NCOA7: variants seen among roughly 807,000 people sequenced by gnomAD.
NCOA7 encodes the protein nuclear receptor coactivator 7.
In NCOA7, 45 loss-of-function variants were observed where a neutral mutation model predicts 104.3. The ratio of observed to expected loss-of-function variants is 0.43; its 90% CI spans 0.34 to 0.55. The LOEUF (loss-of-function observed/expected upper bound fraction) is 0.55. Ranked by LOEUF, NCOA7 falls within the 20% of genes least tolerant of loss-of-function variation. The pLI is 0.02. For synonymous variants in NCOA7, 398 were observed against 402.3 expected (o/e 0.99, Z 0.13); for missense variants, 1,041 against 1,119.7 (o/e 0.93, Z 1.00).
chr6:125,802,050 C>G (rs991507859), intron 1 of NCOA7, among the ~76,000 whole-genome samples: 4 of 152,146 alleles, frequency 2.6e-5, no homozygotes, highest in African/African-American at 9.7e-5. Flanking sequence ...TAAATGACAA[C>G]TGGAAGAAAA....
intron 2 of NCOA7, among the ~76,000 whole-genome samples, chr6:125,826,793 A>G (rs1409769787): frequency 6.6e-6 from 1 of 152,146 alleles, no homozygotes; most frequent in Admixed American, 6.5e-5. Flanking sequence ...ATGAACAGAA[A>G]TTTATTTGGC....
In NCOA7 at chr6:125,826,926, G is replaced by A. The variant is rs151029163; in HGVS notation, c.50+11522G>A. On this transcript the variant is annotated intron_variant, in intron 2 of 15. Transcript: ENST00000392477. ...GAAAGGGTGAGAGTGGGCTGGGCGC[G>A]GTGACCCATGCCTGTAATCCCAGCA... 4.6e-4 allele frequency among the ~76,000 whole-genome samples: 70 copies of A among 152,106 alleles called. No individual in the cohort carries two copies. The East Asian group carries it at 7.7e-3, about 17-fold the overall frequency.
At chr6:125,883,025 G>GC (rs1783971161) in intron 7 of NCOA7, among the ~76,000 whole-genome samples, 1 of 152,210 alleles carries the variant, frequency 6.6e-6, no homozygotes, top group South Asian at 2.1e-4. Context: ...AAAGAATTTA[G>GC]CACCTAATCT....
chr6:125,844,057 G>A (rs1388253635), intron 2 of NCOA7, among the ~76,000 whole-genome samples: 1 of 152,172 alleles, frequency 6.6e-6, no homozygotes, highest in Admixed American at 6.6e-5. Context: ...TTTGGTTACC[G>A]GGGTCTTCTA....
intron 2 of NCOA7, among the ~76,000 whole-genome samples, chr6:125,816,527 A>G (rs1216413827): frequency 6.6e-6 from 1 of 152,244 alleles, no homozygotes; most frequent in African/African-American, 2.4e-5. Flanking sequence ...TAAACTACCA[A>G]TTGTAGTAAA....
At chr6:125,852,850 T>TCGGGTAATG (rs1781237847) in intron 2 of NCOA7, among the ~76,000 whole-genome samples, 1 of 152,132 alleles carries the variant, frequency 6.6e-6, no homozygotes, top group Non-Finnish European at 1.5e-5. Context: ...TAATGTGATG[T>TCGGGTAATG]CGGGTAATGT....
At chr6:125,815,028 C>T (rs1043260045) in intron 1 of NCOA7, among the ~76,000 whole-genome samples, 2 of 152,048 alleles carry the variant, frequency 1.3e-5, no homozygotes, top group Non-Finnish European at 2.9e-5. Context: ...TTTATTTTGG[C>T]ATGTTTTAAA....
chr6:125,796,239 A>G (rs1476954148), intron 1 of NCOA7, among the ~76,000 whole-genome samples: 3 of 152,084 alleles, frequency 2.0e-5, no homozygotes, highest in Non-Finnish European at 4.4e-5. Context: ...CGTTCTGGTA[A>G]AAAATTAACC....
At chr6:125,820,397 G>T (rs891039183) in intron 2 of NCOA7, among the ~76,000 whole-genome samples, 13 of 152,334 alleles carry the variant, frequency 8.5e-5, no homozygotes, top group Middle Eastern at 3.4e-3. Context: ...CTAACAAGAT[G>T]CTTTTGAAGA....
chr6:125,923,307 T>G (rs1787748839), intron 13 of NCOA7, among the ~76,000 whole-genome samples: 1 of 152,148 alleles, frequency 6.6e-6, no homozygotes, highest in Non-Finnish European at 1.5e-5. Flanking sequence ...AAGGCCATAG[T>G]GTGTTGTGCC....
chr6:125,869,143 T>A (rs539662930), intron 3 of NCOA7, among the ~76,000 whole-genome samples: 1 of 152,328 alleles, frequency 6.6e-6, no homozygotes, highest in African/African-American at 2.4e-5. Context: ...TCTGTACGGA[T>A]TCTGTTTTCA....
At chr6:125,846,161 G>GT (rs1277279175) in intron 2 of NCOA7, among the ~76,000 whole-genome samples, 2 of 151,858 alleles carry the variant, frequency 1.3e-5, no homozygotes, top group Non-Finnish European at 2.9e-5. Context: ...GGTTTTGGTT[G>GT]TTTTTTTGTT....
At chr6:125,814,258 G>A (rs1205193260) in intron 1 of NCOA7, among the ~76,000 whole-genome samples, 6 of 152,150 alleles carry the variant, frequency 3.9e-5, no homozygotes, top group East Asian at 3.9e-4. Flanking sequence ...GAGTTCAAGC[G>A]ATTCTCGCGC....
intron 11 of NCOA7, among the ~76,000 whole-genome samples, chr6:125,920,216 C>G (rs1048510761): frequency 2.6e-5 from 4 of 152,140 alleles, no homozygotes; most frequent in Non-Finnish European, 5.9e-5. Flanking sequence ...TAATTGTAAC[C>G]TAGTTGTAAT....
chr6:125,857,506 G>A (rs565219217), intron 3 of NCOA7, among the ~76,000 whole-genome samples: 2 of 151,404 alleles, frequency 1.3e-5, no homozygotes, highest in South Asian at 2.1e-4. Flanking sequence ...TTCTAGTCTC[G>A]AGCAGTCTTC....
intron 3 of NCOA7, among the ~76,000 whole-genome samples, chr6:125,857,065 G>A (rs1376613262): frequency 6.6e-6 from 1 of 152,170 alleles, no homozygotes; most frequent in Non-Finnish European, 1.5e-5. Flanking sequence ...TGTATTACAT[G>A]TCTTAATGGA....
chr6:125,870,372 T>A (rs368684677), intron 3 of NCOA7, among the ~76,000 whole-genome samples: 3 of 152,224 alleles, frequency 2.0e-5, no homozygotes, highest in East Asian at 3.9e-4. Flanking sequence ...GGTTTCCATC[T>A]CTGGACCTCT....
At chr6:125,876,682 C>G (rs570299437) in intron 4 of NCOA7, among the ~76,000 whole-genome samples, 55 of 150,970 alleles carry the variant, frequency 3.6e-4, no homozygotes, top group African/African-American at 1.3e-3. Flanking sequence ...ATGCCTACCT[C>G]TCTGTTTCAT....
intron 3 of NCOA7, 111 bp downstream of exon 3, chr6:125,855,351 C>T (rs1278072583): frequency 1.2e-6 from 1 of 806,428 alleles, no homozygotes; most frequent in Non-Finnish European, 1.9e-6. Flanking sequence ...TATGGAGCAG[C>T]TGCTATGTGC....
Sources: allele counts gnomAD v4.1 joint callset (sites outside exome capture counted in the v4.1 genomes callset), GRCh38; gene constraint gnomAD v4.1.1; transcripts MANE v1.5; gene names NCBI Gene and HGNC (gene_info 2026-07-23, HGNC 2026-07-21).